SYT9: variants seen among roughly 807,000 people sequenced by gnomAD.
SYT9 encodes the protein synaptotagmin-9.
In SYT9, 22 loss-of-function variants were observed where a neutral mutation model predicts 48.4. The ratio of observed to expected loss-of-function variants is 0.45; its 90% CI spans 0.32 to 0.65. The LOEUF is 0.65. Among genes scored for constraint, SYT9 ranks in the 30% least tolerant of loss-of-function variants. SYT9 has a pLI of 0.03. For missense variants in SYT9, 577 were observed against 622.0 expected, an observed-to-expected ratio of 0.93 and a Z score of 0.77; for synonymous variants, 265 against 245.0, an observed-to-expected ratio of 1.08 and a Z score of -0.76.
intron 1 of SYT9, among the ~76,000 whole-genome samples, chr11:7,245,721 A>G (rs1300121991): frequency 6.6e-6 from 1 of 152,216 alleles, no homozygotes; most frequent in Non-Finnish European, 1.5e-5. Flanking sequence ...AAGGGCAAAG[A>G]GACAAAAGGG....
At chr11:7,291,044 T>C (rs1848688851) in intron 1 of SYT9, among the ~76,000 whole-genome samples, 1 of 152,250 alleles carries the variant, frequency 6.6e-6, no homozygotes. Flanking sequence ...TGGCTTTTAG[T>C]AGAGGGACAC....
intron 1 of SYT9, among the ~76,000 whole-genome samples, chr11:7,277,471 C>T (rs1848418635): frequency 6.6e-6 from 1 of 152,054 alleles, no homozygotes; most frequent in Admixed American, 6.5e-5. Flanking sequence ...AAAATCTAAA[C>T]AGAAAAAAGA....
At chr11:7,277,404 C>T (rs1184316667) in intron 1 of SYT9, among the ~76,000 whole-genome samples, 1 of 152,172 alleles carries the variant, frequency 6.6e-6, no homozygotes, top group East Asian at 1.9e-4. Context: ...TGCTTTTCAG[C>T]AAGTGCTCAT....
intron 2 of SYT9, among the ~76,000 whole-genome samples, chr11:7,312,348 C>T (rs1270088022): frequency 6.6e-6 from 1 of 152,168 alleles, no homozygotes; most frequent in Non-Finnish European, 1.5e-5. Context: ...GTTTACCAAT[C>T]CCTAAGAGAC....
chr11:7,326,646 C>A (rs1173568096), intron 3 of SYT9, among the ~76,000 whole-genome samples: 3 of 142,310 alleles, frequency 2.1e-5, no homozygotes, highest in East Asian at 4.3e-4. Context: ...AAGCTGGAGG[C>A]ATCACACTAC....
Position 7,289,364 on chromosome 11 carries a change from T to C in SYT9, c.146-13675T>C, listed in dbSNP as rs191976431. Among the ~76,000 whole-genome samples the C allele has an allele frequency of 2.0e-5, 3 of 152,258 alleles. No individual in the cohort carries two copies. In the East Asian group the frequency reaches 5.8e-4, roughly 29 times the overall value. On this transcript the variant is annotated intron_variant, in intron 1 of 6. Coordinates refer to ENST00000318881, the MANE Select transcript of SYT9 (RefSeq NM_175733.4). ...ATAGGTACAGAGTTTCAGCATGGGATGGTGAAAATGTTCTGGAGATGGATA... is the reference window on the plus strand; with the variant it reads ...ATAGGTACAGAGTTTCAGCATGGGACGGTGAAAATGTTCTGGAGATGGATA...
chr11:7,330,173 A>G (rs1849501584), intron 3 of SYT9, among the ~76,000 whole-genome samples: 1 of 152,226 alleles, frequency 6.6e-6, no homozygotes, highest in South Asian at 2.1e-4. Context: ...TAAAACAATA[A>G]ACTATTACAT....
intron 6 of SYT9, among the ~76,000 whole-genome samples, chr11:7,464,545 G>GA (rs1212611584): frequency 6.6e-6 from 1 of 152,118 alleles, no homozygotes; most frequent in Non-Finnish European, 1.5e-5. Flanking sequence ...GGTCTTTTAA[G>GA]AACTTGTAAA....
At chr11:7,279,247 T>C (rs1259470830) in intron 1 of SYT9, among the ~76,000 whole-genome samples, 1 of 152,190 alleles carries the variant, frequency 6.6e-6, no homozygotes, top group African/African-American at 2.4e-5. Flanking sequence ...GAGAGTTAGC[T>C]TAGTAAAACA....
intron 6 of SYT9, among the ~76,000 whole-genome samples, chr11:7,421,562 G>A (rs370830860): frequency 2.6e-5 from 4 of 152,100 alleles, no homozygotes; most frequent in African/African-American, 9.7e-5. Context: ...GGAGTCAACC[G>A]GCCATCATTC....
chr11:7,466,980 G>C lies in SYT9; in HGVS notation c.*180G>C, dbSNP rs1848349804. ...GGGTTTGGTGAACCTGAATGGTCCA[G>C]CCACCTTCTGCAGGTGGCCCAAGGT... On this transcript the variant is annotated 3_prime_UTR_variant, in exon 7 of 7. Coordinates refer to ENST00000318881, the MANE Select transcript of SYT9 (RefSeq NM_175733.4). 2 of 702,864 alleles carry C rather than the reference G, an allele frequency of 2.8e-6. No individual in the cohort carries two copies. The highest frequency in any genetic ancestry group is 1.8e-5 in the African/African-American group (1 of 55,298). The allele number at this position is 702,864 out of a possible 1,614,324, so 43.5% of individuals were successfully genotyped here.
At chr11:7,273,434 T>C (rs1002830789) in intron 1 of SYT9, among the ~76,000 whole-genome samples, 3 of 152,304 alleles carry the variant, frequency 2.0e-5, no homozygotes, top group East Asian at 3.9e-4. Context: ...CCCAACTATA[T>C]GTAGCCAAGA....
chr11:7,463,893 T>C lies in SYT9; in HGVS notation c.1468-2899T>C, dbSNP rs192822048. ...TCACCAAATGAGCAAAACCCAGCTA[T>C]GGAGTTCAGGTGGGAGCTGTGCTAT... On this transcript the variant is annotated intron_variant, in intron 6 of 6. Coordinates refer to ENST00000318881, the MANE Select transcript of SYT9 (RefSeq NM_175733.4). Among the ~76,000 whole-genome samples the C allele has an allele frequency of 7.9e-5, 12 of 152,250 alleles. No homozygotes were observed. In the East Asian group the frequency reaches 2.1e-3, roughly 27 times the overall value.
Position 7,458,350 on chromosome 11 carries a change from G to A in SYT9, c.1468-8442G>A, listed in dbSNP as rs188040278. 1.2e-4 allele frequency among the ~76,000 whole-genome samples: 19 copies of A among 152,126 alleles called. No individual in the cohort carries two copies. The South Asian group carries it at 2.7e-3, about 22-fold the overall frequency. ...ACAAAAATTAGCCGGGCATGGTGGC[G>A]GTCGCCTGTAATCCCAGCCACTCAA... On this transcript the variant is annotated intron_variant, in intron 6 of 6. Transcript: ENST00000318881.
intron 6 of SYT9, among the ~76,000 whole-genome samples, chr11:7,456,028 T>C (rs1187067047): frequency 2.0e-5 from 3 of 152,192 alleles, no homozygotes; most frequent in African/African-American, 4.8e-5. Context: ...CAATGCCCCA[T>C]TTGGAATGAA....
intron 3 of SYT9, 32 bp downstream of exon 3, chr11:7,313,973 G>T: frequency 6.3e-7 from 1 of 1,586,752 alleles, no homozygotes; most frequent in African/African-American, 1.3e-5. Context: ...TTTTGTGGTG[G>T]GGGGCATCTT....
At chr11:7,270,832 G>GAC (rs56891844) in intron 1 of SYT9, among the ~76,000 whole-genome samples, 20,225 of 147,104 alleles carry the variant, frequency 0.14, 1,345 homozygotes, top group Admixed American at 0.16. Context: ...ACAAGACACA[G>GAC]ACACACACAC....
chr11:7,436,577 A>C (rs1847714941), intron 6 of SYT9, among the ~76,000 whole-genome samples: 1 of 152,244 alleles, frequency 6.6e-6, no homozygotes, highest in Non-Finnish European at 1.5e-5. Flanking sequence ...ATACACACAA[A>C]GACTTAAATT....
At chr11:7,290,398 A>G (rs937992754) in intron 1 of SYT9, among the ~76,000 whole-genome samples, 1 of 152,134 alleles carries the variant, frequency 6.6e-6, no homozygotes, top group Admixed American at 6.5e-5. Flanking sequence ...TCAATACAAC[A>G]TGTTGTGAGG....
Sources: gnomAD v4.1 joint callset for allele counts (sites outside exome capture counted in the v4.1 genomes callset) on GRCh38, gnomAD v4.1.1 for gene constraint, MANE v1.5 for transcripts, NCBI Gene and HGNC (gene_info 2026-07-23, HGNC 2026-07-21) for gene names.